Variants in C10orf105 observed in about 807,000 individuals in gnomAD.
C10orf105 encodes the protein uncharacterized protein C10orf105.
Under a neutral mutation model 0.6 loss-of-function variants are expected in C10orf105, and 2 were observed. The ratio of observed to expected loss-of-function variants is 3.18; its 90% CI spans 1.30 to 10.01. The LOEUF (loss-of-function observed/expected upper bound fraction) is 10.01, where lower values mean the gene tolerates loss of function less well. Among genes scored for constraint, C10orf105 ranks in the 30% most tolerant of loss-of-function variants. C10orf105 has a pLI of 0.04. For synonymous variants in C10orf105, 95 were observed against 82.4 expected, an observed-to-expected ratio of 1.15 and a Z score of -0.83; for missense variants, 209 against 191.4, an observed-to-expected ratio of 1.09 and a Z score of -0.54.
chr10:71,724,619 G>A (rs988872170), upstream of C10orf105, among the ~76,000 whole-genome samples: 7 of 152,150 alleles, frequency 4.6e-5, no homozygotes, highest in African/African-American at 1.2e-4. Context: ...TTTGATTGCC[G>A]TGTTCCTGAA....
Position 71,713,962 on chromosome 10 carries a change from C to G in C10orf105, c.*1974G>C, listed in dbSNP as rs1452410598. The G allele has an allele frequency of 1.3e-5, 2 of 152,508 alleles. No individual in the cohort carries two copies. The highest frequency in any genetic ancestry group is 2.9e-5 in the Non-Finnish European group (2 of 68,318). The allele number at this position is 152,508 out of a possible 1,614,324, so 9.4% of individuals were successfully genotyped here. ...GGAACAAAACCCTTAGGGAGGAGGC[C>G]TGCCCCACTTTCTAAACCCAAAGAC... On this transcript the variant is annotated 3_prime_UTR_variant, in exon 2 of 2. Transcript: ENST00000441508.
upstream of C10orf105, among the ~76,000 whole-genome samples, chr10:71,723,186 C>A (rs1374618334): frequency 2.0e-5 from 3 of 152,218 alleles, no homozygotes; most frequent in African/African-American, 7.2e-5. Flanking sequence ...ACAGATCCAA[C>A]AGGACAGCAT....
chr10:71,720,061 G>C (rs1368379221), upstream of C10orf105, among the ~76,000 whole-genome samples: 5 of 152,366 alleles, frequency 3.3e-5, no homozygotes, highest in East Asian at 9.7e-4. Context: ...TCGGAAGTTT[G>C]AATGGTATGG....
chr10:71,722,889 C>T (rs1236457739), upstream of C10orf105, among the ~76,000 whole-genome samples: 10 of 152,096 alleles, frequency 6.6e-5, no homozygotes, highest in East Asian at 1.5e-3. Context: ...GAAGTGGGGC[C>T]CAGGGATGTG....
At chr10:71,737,312 G>A (rs1398649033) in intron 1 of C10orf105, among the ~76,000 whole-genome samples, 2 of 152,180 alleles carry the variant, frequency 1.3e-5, no homozygotes, top group Non-Finnish European at 2.9e-5. Flanking sequence ...CTCCCAACAG[G>A]TGTCATTCTG....
Position 71,716,220 on chromosome 10 carries a change from T to C in C10orf105, c.118A>G (p.Ile40Val). ...AEATDPLPML[I>V]ALACIFLLLA... ...AGGAGGAAGATGCAGGCCAGGGCGA[T>C]GAGCATGGGGAGGGGGTCAGTTGCC... The change falls in exon 2 of 2, where the codon ATC becomes GTC. Residue 40 changes from isoleucine (I) to valine (V), a missense_variant. Transcript: ENST00000441508. 6.4e-7 allele frequency: 1 copy of C among 1,550,722 alleles called. No homozygotes were observed. Among genetic ancestry groups the C allele is most frequent in the Non-Finnish European group, 8.7e-7 (1 of 1,146,626 alleles).
upstream of C10orf105, among the ~76,000 whole-genome samples, chr10:71,720,086 A>T (rs1866481521): frequency 6.6e-6 from 1 of 152,162 alleles, no homozygotes; most frequent in Non-Finnish European, 1.5e-5. Context: ...CGGCAGCCAG[A>T]GGTTCGCTAT....
chr10:71,726,240 TGAGTCA>T lies in C10orf105; in HGVS notation c.-5-9904_-5-9899del, dbSNP rs1866804485. Among the ~76,000 whole-genome samples, 10 of 151,768 alleles carry T rather than the reference TGAGTCA, an allele frequency of 6.6e-5. No homozygotes were observed. In the South Asian group the frequency reaches 2.1e-3, roughly 32 times the overall value. Reference sequence around the variant, plus strand: ...CCCCCAGCCCCTTCCCCTAAACCAGTGAGTCAGACCCCAGACATCAGGAGTAGGAGG... The same window carrying T: ...CCCCCAGCCCCTTCCCCTAAACCAGTGACCCCAGACATCAGGAGTAGGAGG... On this transcript the variant is annotated intron_variant, in intron 1 of 1. Coordinates refer to the C10orf105 transcript ENST00000398786.
At chr10:71,734,907 T>C (rs1839512368) in intron 1 of C10orf105, among the ~76,000 whole-genome samples, 1 of 152,234 alleles carries the variant, frequency 6.6e-6, no homozygotes, top group Non-Finnish European at 1.5e-5. Flanking sequence ...GGGAGAGTAC[T>C]AGCAAAGGAG....
intron 1 of C10orf105, among the ~76,000 whole-genome samples, chr10:71,725,212 C>T (rs1279465317): frequency 6.6e-6 from 1 of 152,216 alleles, no homozygotes; most frequent in East Asian, 1.9e-4. Context: ...TCACAGAGTC[C>T]TCCAGCTTCC....
At chr10:71,725,494 C>T in intron 1 of C10orf105, 1 of 1,613,798 alleles carries the variant, frequency 6.2e-7, no homozygotes, top group Non-Finnish European at 8.5e-7. Context: ...CAACCACGAC[C>T]TGGGCCCCAT....
chr10:71,734,732 T>A, intron 1 of C10orf105: 1 of 984,630 alleles, frequency 1.0e-6, no homozygotes, highest in African/African-American at 1.6e-5. Flanking sequence ...TGCCTGGCCC[T>A]GGACCTTCCC....
intron 1 of C10orf105, chr10:71,732,445 G>A: frequency 1.3e-6 from 2 of 1,537,984 alleles, no homozygotes; most frequent in Non-Finnish European, 8.8e-7. Context: ...CCTTCTGTGT[G>A]CACAGCACTC....
At chr10:71,731,990 A>G (rs1397792638) in intron 1 of C10orf105, 1 of 1,613,158 alleles carries the variant, frequency 6.2e-7, no homozygotes, top group Non-Finnish European at 8.5e-7. Context: ...CCTACAGGGG[A>G]TGGTGGCCTG....
chr10:71,717,741 G>T (rs1223569925), intron 1 of C10orf105: 2 of 152,262 alleles, frequency 1.3e-5, no homozygotes, highest in Admixed American at 1.3e-4. Flanking sequence ...AGTGTGGTCA[G>T]CTCTGTCAGT....
intron 1 of C10orf105, among the ~76,000 whole-genome samples, chr10:71,719,401 C>T (rs983346045): frequency 1.6e-4 from 24 of 152,238 alleles, no homozygotes; most frequent in African/African-American, 5.8e-4. Context: ...TAGGACCCTC[C>T]TCTTCCCTTG....
intron 1 of C10orf105, chr10:71,734,452 G>T: frequency 6.7e-7 from 1 of 1,486,552 alleles, no homozygotes; most frequent in East Asian, 2.4e-5. Context: ...CAGCGGGCGA[G>T]GGTCTTGATA....
In C10orf105 at chr10:71,716,150, G is replaced by A. The variant is rs544296493; in HGVS notation, c.188C>T (p.Ala63Val). The change falls in exon 2 of 2, where the codon GCG becomes GTG. Residue 63 changes from alanine to valine, a missense_variant. Physicochemically the swap from Ala to Val is moderately conservative, Grantham distance 64. Transcript: ENST00000441508. ...LLFMTLCKPA[A>V]LDPSRRRAHE... is the part of the protein sequence containing the mutation. Reference sequence around the variant, plus strand: ...AGCCCTGCGGCGGCTCGGGTCCAGCGCGGCCGGCTTGCAGAGCGTCATGAA... The same window carrying A: ...AGCCCTGCGGCGGCTCGGGTCCAGCACGGCCGGCTTGCAGAGCGTCATGAA... The A allele has an allele frequency of 2.1e-5, 33 of 1,550,472 alleles. No individual in the cohort carries two copies. The East Asian group carries it at 2.9e-4, about 14-fold the overall frequency.
intron 1 of C10orf105, among the ~76,000 whole-genome samples, chr10:71,734,044 G>C (rs1187865985): frequency 6.6e-6 from 1 of 152,224 alleles, no homozygotes; most frequent in African/African-American, 2.4e-5. Flanking sequence ...TACCTGGCTG[G>C]GGAAGCAGGA....
Sources: gnomAD v4.1 joint callset for allele counts (sites outside exome capture counted in the v4.1 genomes callset) on GRCh38, gnomAD v4.1.1 for gene constraint, MANE v1.5 for transcripts, NCBI Gene and HGNC (gene_info 2026-07-23, HGNC 2026-07-21) for gene names.